The following ITGB5 variants were observed in gnomAD, a reference collection of about 807,000 sequenced individuals.
ITGB5 encodes integrin beta-5.
A neutral mutation model predicts 84.8 loss-of-function variants in ITGB5; 38 were observed. The observed-to-expected ratio is 0.45, with a 90% confidence interval of 0.35 to 0.59. The LOEUF (loss-of-function observed/expected upper bound fraction) is 0.59, where lower values mean the gene tolerates loss of function less well. ITGB5 is among the 20% of genes least tolerant of loss of function. The pLI, the probability that ITGB5 is intolerant of heterozygous loss-of-function variation, is 0.01. For synonymous variants in ITGB5, 393 were observed against 414.4 expected, an observed-to-expected ratio of 0.95 and a Z score of 0.63; for missense variants, 905 against 1,034.5, an observed-to-expected ratio of 0.87 and a Z score of 1.72.
chr3:124,863,535 T>C (rs1447129646), intron 2 of ITGB5, among the ~76,000 whole-genome samples: 1 of 152,212 alleles, frequency 6.6e-6, no homozygotes, highest in African/African-American at 2.4e-5. Flanking sequence ...ATTTTCATTT[T>C]TGAGACGGAG....
At chr3:124,817,543 G>A in intron 8 of ITGB5, 78 bp downstream of exon 8, 1 of 739,622 alleles carries the variant, frequency 1.4e-6, no homozygotes, top group Non-Finnish European at 2.3e-6. Context: ...CTGCCCACCT[G>A]AGCCCGCGGC....
chr3:124,847,925 T>C (rs1009962626), intron 4 of ITGB5, among the ~76,000 whole-genome samples: 1 of 152,202 alleles, frequency 6.6e-6, no homozygotes, highest in Non-Finnish European at 1.5e-5. Flanking sequence ...AATTTTGAAT[T>C]CATTTCTCCC....
intron 1 of ITGB5, among the ~76,000 whole-genome samples, chr3:124,898,879 C>G (rs919836202): frequency 1.3e-5 from 2 of 150,920 alleles, no homozygotes; most frequent in Non-Finnish European, 2.9e-5. Context: ...AGTTCAAGAC[C>G]AGCCTGACTA....
At position 124,859,247 on chromosome 3, in the gene ITGB5, C is replaced by T. The variant is rs767939320; in HGVS notation, c.356G>A (p.Arg119Gln). 35 of 1,613,506 alleles carry T rather than the reference C, an allele frequency of 2.2e-5. No individual in the cohort carries two copies. The highest frequency in any genetic ancestry group is 2.8e-5 in the Non-Finnish European group (33 of 1,179,774). Residue 119 changes from arginine (R) to glutamine (Q), a missense_variant, in exon 3 of 15, where the codon CGG becomes CAG. By Grantham distance (43) the Arg-to-Gln change is conservative. Transcript: ENST00000296181. ...CCTTTCTGTGGGCAACTCACCGGGC[C>T]GGAGGTTCACGGCAATCTCCTGTGG... ...MTPQEIAVNLRPGDKTTFQLQ... is the reference protein window; with the variant it reads ...MTPQEIAVNLQPGDKTTFQLQ...
chr3:124,876,466 A>G (rs1385455735), intron 1 of ITGB5, among the ~76,000 whole-genome samples: 1 of 152,138 alleles, frequency 6.6e-6, no homozygotes, highest in East Asian at 1.9e-4. Flanking sequence ...CAGAAATCGC[A>G]AACGGCAAAA....
chr3:124,767,681 A>G (rs1198623766), intron 12 of ITGB5, among the ~76,000 whole-genome samples: 2 of 152,174 alleles, frequency 1.3e-5, no homozygotes, highest in African/African-American at 4.8e-5. Context: ...GAGGAACCAG[A>G]CTGTGGTCCA....
chr3:124,818,386 AG>A (rs1198531373), intron 7 of ITGB5, among the ~76,000 whole-genome samples: 1 of 151,730 alleles, frequency 6.6e-6, no homozygotes, highest in Non-Finnish European at 1.5e-5. Flanking sequence ...TTTAGCTCTG[AG>A]GAAGGATGCT....
intron 3 of ITGB5, among the ~76,000 whole-genome samples, chr3:124,857,748 C>G (rs964584058): frequency 6.6e-6 from 1 of 152,148 alleles, no homozygotes; most frequent in South Asian, 2.1e-4. Flanking sequence ...GAACTAGAAA[C>G]AGCCATGGGT....
intron 5 of ITGB5, among the ~76,000 whole-genome samples, chr3:124,832,357 G>A (rs1052922199): frequency 6.6e-6 from 1 of 152,232 alleles, no homozygotes; most frequent in Non-Finnish European, 1.5e-5. Context: ...TTTTGTGGCT[G>A]TAAAACTTTG....
chr3:124,802,954 C>G (rs1478217418), intron 9 of ITGB5, among the ~76,000 whole-genome samples: 5 of 152,256 alleles, frequency 3.3e-5, no homozygotes, highest in African/African-American at 1.2e-4. Context: ...AGGGCCAGCT[C>G]GGGTCAGTTG....
At chr3:124,867,880 G>A (rs542634716) in intron 2 of ITGB5, among the ~76,000 whole-genome samples, 16 of 152,270 alleles carry the variant, frequency 1.1e-4, no homozygotes, top group Non-Finnish European at 2.2e-4. Context: ...ATATGGTTAG[G>A]CTTTGTGTTC....
At chr3:124,801,195 C>T (rs1048633604) in intron 9 of ITGB5, among the ~76,000 whole-genome samples, 7 of 152,178 alleles carry the variant, frequency 4.6e-5, no homozygotes, top group African/African-American at 1.4e-4. Context: ...CTGCTTTGTG[C>T]TGGGCGTCTG....
chr3:124,834,637 G>A (rs1187976017), intron 5 of ITGB5, among the ~76,000 whole-genome samples: 1 of 110,720 alleles, frequency 9.0e-6, no homozygotes, highest in Admixed American at 8.9e-5. Context: ...GAGGGAGGGA[G>A]GGAAGGACGG....
chr3:124,780,085 C>T (rs559436931), intron 10 of ITGB5, among the ~76,000 whole-genome samples: 3 of 151,700 alleles, frequency 2.0e-5, no homozygotes, highest in African/African-American at 7.3e-5. Flanking sequence ...GGCACAGTGG[C>T]CCTCAGCGAG....
At chr3:124,835,798 A>G (rs1437379868) in intron 5 of ITGB5, among the ~76,000 whole-genome samples, 1 of 152,354 alleles carries the variant, frequency 6.6e-6, no homozygotes, top group East Asian at 1.9e-4. Flanking sequence ...AAGCGAGTCA[A>G]TTCTGCAGGA....
chr3:124,848,982 G>A (rs1276763461), intron 3 of ITGB5, among the ~76,000 whole-genome samples: 7 of 152,034 alleles, frequency 4.6e-5, no homozygotes, highest in Admixed American at 4.6e-4. Flanking sequence ...GTTTCACTAT[G>A]TTGACCAGGC....
At chr3:124,813,457 C>T (rs2064536770) in intron 8 of ITGB5, among the ~76,000 whole-genome samples, 1 of 152,188 alleles carries the variant, frequency 6.6e-6, no homozygotes, top group African/African-American at 2.4e-5. Context: ...ACTGCCCCCA[C>T]CGCAGATGCC....
chr3:124,829,646 C>T (rs1192461831), intron 5 of ITGB5, among the ~76,000 whole-genome samples: 1 of 152,176 alleles, frequency 6.6e-6, no homozygotes, highest in Non-Finnish European at 1.5e-5. Context: ...CTGGCATGTC[C>T]TCCCAGCCTC....
chr3:124,869,625 C>T (rs2065446154), intron 2 of ITGB5, among the ~76,000 whole-genome samples: 1 of 152,150 alleles, frequency 6.6e-6, no homozygotes, highest in Non-Finnish European at 1.5e-5. Flanking sequence ...TAACCTGGCT[C>T]TCTAAAACAC....
Sources: allele counts gnomAD v4.1 joint callset (sites outside exome capture counted in the v4.1 genomes callset), GRCh38; gene constraint gnomAD v4.1.1; transcripts MANE v1.5; gene names NCBI Gene and HGNC (gene_info 2026-07-23, HGNC 2026-07-21).